Variants in PRKD1 observed in about 807,000 individuals in gnomAD.
PRKD1 encodes protein kinase D1, also known as serine/threonine-protein kinase D1.
In PRKD1, 63 loss-of-function variants were observed where a neutral mutation model predicts 95.9. The observed-to-expected ratio is 0.66, with a 90% CI of 0.54 to 0.81. PRKD1 has a LOEUF of 0.81. Ranked by LOEUF, PRKD1 falls within the 30% of genes least tolerant of loss-of-function variation. The pLI, the probability that PRKD1 is intolerant of heterozygous loss-of-function variation, is 0.00. For missense variants in PRKD1, 1,048 were observed against 1,165.3 expected (o/e 0.90, Z 1.47); for synonymous variants, 425 against 423.1 (o/e 1.00, Z -0.05).
intron 1 of PRKD1, among the ~76,000 whole-genome samples, chr14:29,840,083 TTCTATCA>T (rs1891772403): frequency 6.6e-6 from 1 of 152,166 alleles, no homozygotes. Context: ...GGATTTTCTT[TTCTATCA>T]CATTGTCAGG....
In PRKD1 at chr14:29,626,483, C is replaced by A; in HGVS notation, c.1798+1G>T. The A allele has an allele frequency of 6.2e-7, 1 of 1,608,390 alleles. No homozygotes were observed. The highest frequency in any genetic ancestry group is 8.5e-7 in the Non-Finnish European group (1 of 1,176,934). ...TAAAAATACTCAGTGAGATAACCTA[C>A]CTCCATAAACAATTCCAAACTGTCC... is the stretch of plus-strand genomic sequence containing the variant. On this transcript the variant is annotated splice_donor_variant, in intron 12 of 17. Transcript: ENST00000331968. LOFTEE classifies it high-confidence loss of function.
chr14:29,663,438 C>T (rs909496124), intron 4 of PRKD1, among the ~76,000 whole-genome samples: 2 of 152,056 alleles, frequency 1.3e-5, no homozygotes, highest in East Asian at 3.9e-4. Flanking sequence ...CACATTAGTT[C>T]GTGCTGCTCT....
intron 16 of PRKD1, chr14:29,592,681 A>C (rs920964470): frequency 6.6e-6 from 1 of 152,166 alleles, no homozygotes; most frequent in Non-Finnish European, 1.5e-5. Flanking sequence ...TTTCCAGAAC[A>C]ATCTCATTTA....
chr14:29,844,604 T>C lies in PRKD1; in HGVS notation c.264+82645A>G, dbSNP rs375546224. Among the ~76,000 whole-genome samples, 6 of 152,204 alleles carry C rather than the reference T, an allele frequency of 3.9e-5. No individual in the cohort carries two copies. In the East Asian group the frequency reaches 5.8e-4, roughly 15 times the overall value. ...TCACTCTATGTGGGTTTGTGGGTAA[T>C]GTATGGACATGTATGTATATCATAC... On this transcript the variant is annotated intron_variant, in intron 1 of 17. Coordinates refer to ENST00000331968, the MANE Select transcript of PRKD1 (RefSeq NM_002742.3).
At chr14:29,909,609 C>A (rs1009562944) in intron 1 of PRKD1, among the ~76,000 whole-genome samples, 1 of 152,132 alleles carries the variant, frequency 6.6e-6, no homozygotes, top group Non-Finnish European at 1.5e-5. Flanking sequence ...CTGGTGGGGA[C>A]TTGGAGAACC....
At chr14:29,641,774 C>A (rs1380790030) in intron 4 of PRKD1, among the ~76,000 whole-genome samples, 2 of 151,976 alleles carry the variant, frequency 1.3e-5, no homozygotes, top group East Asian at 3.8e-4. Flanking sequence ...ATTAAAAACA[C>A]CAACTGGCTA....
chr14:29,634,146 AG>A (rs1880207475), intron 8 of PRKD1, among the ~76,000 whole-genome samples: 1 of 152,256 alleles, frequency 6.6e-6, no homozygotes, highest in African/African-American at 2.4e-5. Flanking sequence ...GGCTTCCACA[AG>A]TGCTATAAAA....
intron 13 of PRKD1, among the ~76,000 whole-genome samples, chr14:29,609,473 C>G (rs796414152): frequency 3.2e-4 from 48 of 149,246 alleles, no homozygotes; most frequent in African/African-American, 1.1e-3. Context: ...AAAGAAATCA[C>G]TTGAGGACTA....
chr14:29,771,240 T>C (rs995485200), intron 1 of PRKD1, among the ~76,000 whole-genome samples: 2 of 152,118 alleles, frequency 1.3e-5, no homozygotes, highest in Non-Finnish European at 2.9e-5. Context: ...GTGCTGTTCA[T>C]CAAGATGATG....
At chr14:29,601,413 T>C (rs1053884385) in intron 13 of PRKD1, among the ~76,000 whole-genome samples, 1 of 152,174 alleles carries the variant, frequency 6.6e-6, no homozygotes, top group East Asian at 1.9e-4. Flanking sequence ...AATTGCAAGT[T>C]TATTATGAAT....
At chr14:29,910,567 A>T (rs1894672052) in intron 1 of PRKD1, among the ~76,000 whole-genome samples, 1 of 152,220 alleles carries the variant, frequency 6.6e-6, no homozygotes, top group African/African-American at 2.4e-5. Flanking sequence ...AGAAAGAAAG[A>T]TTATGAAAGT....
At chr14:29,667,950 T>A (rs1015358601) in intron 2 of PRKD1, among the ~76,000 whole-genome samples, 1 of 151,992 alleles carries the variant, frequency 6.6e-6, no homozygotes, top group Non-Finnish European at 1.5e-5. Context: ...TTTTCTTTCA[T>A]TTTTTGAAGA....
intron 1 of PRKD1, among the ~76,000 whole-genome samples, chr14:29,862,126 G>A (rs1892732521): frequency 1.3e-5 from 2 of 152,184 alleles, no homozygotes; most frequent in Admixed American, 1.3e-4. Flanking sequence ...CTGAGGACAT[G>A]TGAGGTTTAT....
intron 1 of PRKD1, among the ~76,000 whole-genome samples, chr14:29,861,205 A>G (rs2139359144): frequency 6.6e-6 from 1 of 152,278 alleles, no homozygotes; most frequent in South Asian, 2.1e-4. Flanking sequence ...TTTGAAGAAA[A>G]AAAAATGGAA....
intron 2 of PRKD1, among the ~76,000 whole-genome samples, chr14:29,724,859 A>T (rs981605620): frequency 3.3e-5 from 5 of 152,102 alleles, no homozygotes; most frequent in African/African-American, 1.2e-4. Context: ...CATTGTAAGG[A>T]TCTCCACTCT....
rs45589534 is a variant in PRKD1, at chr14:29,822,345, G to A, written c.265-96671C>T. ...AGAAGTGATCTGAATTTCATCTTAC[G>A]GGCATTGCACAATTTTCCTTTTTCA... On this transcript the variant is annotated intron_variant, in intron 1 of 17. Transcript: ENST00000331968. Among the ~76,000 whole-genome samples, 1,281 of 152,220 alleles carry A rather than the reference G, an allele frequency of 8.4e-3. 20 individuals carry two copies. Among genetic ancestry groups the A allele is most frequent in the African/African-American group, 0.03 (1,234 of 41,542 alleles).
intron 2 of PRKD1, among the ~76,000 whole-genome samples, chr14:29,693,455 CA>C (rs1566543326): frequency 1.3e-5 from 2 of 151,272 alleles, no homozygotes; most frequent in Admixed American, 6.6e-5. Flanking sequence ...GAAATCAATG[CA>C]AAAAAATAGC....
At chr14:29,926,626 C>A (rs1236051354) in intron 1 of PRKD1, among the ~76,000 whole-genome samples, 2 of 152,098 alleles carry the variant, frequency 1.3e-5, no homozygotes, top group South Asian at 2.1e-4. Flanking sequence ...ATCAGCATCC[C>A]GGGAATGAAA....
chr14:29,722,762 A>G (rs905847047), intron 2 of PRKD1, among the ~76,000 whole-genome samples: 27 of 152,242 alleles, frequency 1.8e-4, no homozygotes, highest in Non-Finnish European at 8.8e-5. Flanking sequence ...AATGGGTGGT[A>G]AAGTAATTCA....
Sources: gnomAD v4.1 joint callset for allele counts (sites outside exome capture counted in the v4.1 genomes callset) on GRCh38, gnomAD v4.1.1 for gene constraint, MANE v1.5 for transcripts, NCBI Gene and HGNC (gene_info 2026-07-23, HGNC 2026-07-21) for gene names.